GLB1L3: variants seen among roughly 807,000 people sequenced by gnomAD.
GLB1L3 encodes galactosidase beta 1 like 3.
In GLB1L3, 89 loss-of-function variants were observed where a neutral mutation model predicts 89.5. That is an observed-to-expected ratio of 0.99 (90% CI 0.84 to 1.19). The LOEUF is 1.19. GLB1L3 is among the 50% of genes most tolerant of loss of function. The pLI, the probability that GLB1L3 is intolerant of heterozygous loss-of-function variation, is 0.00. For synonymous variants in GLB1L3, 314 were observed against 312.3 expected, an observed-to-expected ratio of 1.01 and a Z score of -0.06; for missense variants, 812 against 813.3, an observed-to-expected ratio of 1.00 and a Z score of 0.02.
At chr11:134,286,317 G>A (rs1205494449) in intron 6 of GLB1L3, among the ~76,000 whole-genome samples, 2 of 152,218 alleles carry the variant, frequency 1.3e-5, no homozygotes, top group South Asian at 4.1e-4. Context: ...AGTTTTGAGA[G>A]ACGGGCACTG....
At chr11:134,286,811 A>T (rs1445688190) in intron 6 of GLB1L3, among the ~76,000 whole-genome samples, 1 of 136,992 alleles carries the variant, frequency 7.3e-6, no homozygotes, top group Admixed American at 7.0e-5. Context: ...AGAAATAGAC[A>T]TGCATTAAAA....
chr11:134,293,266 C>T (rs748055619), intron 9 of GLB1L3, 57 bp downstream of exon 9: 51 of 1,366,368 alleles, frequency 3.7e-5, no homozygotes, highest in Non-Finnish European at 5.1e-5. Flanking sequence ...ACCTCCCTTG[C>T]CTATGTAGCT....
chr11:134,294,327 C>CA (rs1941520921), intron 9 of GLB1L3, among the ~76,000 whole-genome samples: 1 of 152,168 alleles, frequency 6.6e-6, no homozygotes, highest in Non-Finnish European at 1.5e-5. Context: ...CTTGGCCTCC[C>CA]AAAGTGCTGG....
intron 9 of GLB1L3, among the ~76,000 whole-genome samples, chr11:134,295,400 GGAC>G (rs1223679899): frequency 6.6e-6 from 1 of 152,088 alleles, no homozygotes. Flanking sequence ...TTGAATTCGT[GGAC>G]ATAGAGTTGT....
At chr11:134,308,211 C>CCACCACCACCATCACCACCACCATCAT (rs1942328066) in intron 10 of GLB1L3, among the ~76,000 whole-genome samples, 3 of 27,858 alleles carry the variant, frequency 1.1e-4, no homozygotes, top group African/African-American at 6.2e-4. Context: ...ACTACCACCA[C>CCACCACCACCATCACCACCACCATCAT]CACCATCACC....
intron 11 of GLB1L3, 176 bp from the exon 12 acceptor site, chr11:134,310,395 T>G (rs1591585531): frequency 8.5e-6 from 5 of 588,254 alleles, no homozygotes. Flanking sequence ...CAGTGGAAGG[T>G]GCCCAGGAAG....
intron 3 of GLB1L3, among the ~76,000 whole-genome samples, chr11:134,278,619 A>C (rs1940515161): frequency 6.6e-6 from 1 of 152,192 alleles, no homozygotes; most frequent in Non-Finnish European, 1.5e-5. Flanking sequence ...AAACTGCTCC[A>C]GAATCAGAGG....
chr11:134,312,591 C>T, intron 14 of GLB1L3, 102 bp downstream of exon 14: 1 of 1,410,504 alleles, frequency 7.1e-7, no homozygotes, highest in South Asian at 1.3e-5. Context: ...GTTTGGTGAC[C>T]TACTATATGG....
chr11:134,312,186 T>G, intron 13 of GLB1L3, 163 bp from the exon 14 acceptor site: 5 of 702,104 alleles, frequency 7.1e-6, no homozygotes, highest in Admixed American at 2.8e-5. Flanking sequence ...TCCTGGGCAG[T>G]GGAGACGTAA....
chr11:134,310,818 T>G, intron 12 of GLB1L3, 167 bp downstream of exon 12: 1 of 631,438 alleles, frequency 1.6e-6, no homozygotes. Context: ...TCTGTGTGAT[T>G]TTTTAAAATC....
rs115868003 is a variant in GLB1L3 at position 134,316,120 on chromosome 11, C to T, written c.1779+1679C>T. On this transcript the variant is annotated intron_variant, in intron 18 of 19. Transcript: ENST00000431683. ...CTATAAACATTGGGCAATTACTTCT[C>T]CATTTTCCCCTTCTCCCACCGCCTG... 6.3e-3 allele frequency among the ~76,000 whole-genome samples: 961 copies of T among 152,124 alleles called. 13 individuals carry two copies. The highest frequency in any genetic ancestry group is 0.022 in the African/African-American group (898 of 41,494).
chr11:134,296,624 T>C (rs1357341484), intron 9 of GLB1L3, among the ~76,000 whole-genome samples: 2 of 139,470 alleles, frequency 1.4e-5, no homozygotes, highest in African/African-American at 2.7e-5. Context: ...TTCTCACTCA[T>C]AGGTGGGAAC....
chr11:134,308,176 CACCATCACCATCATCACCATCACCACT>C (rs1942302394), intron 10 of GLB1L3, among the ~76,000 whole-genome samples: 4 of 118,930 alleles, frequency 3.4e-5, no homozygotes, highest in South Asian at 6.2e-4. Context: ...CCAGCACCAC[CACCATCACCATCATCACCATCACCACT>C]ACCACCACCA....
Position 134,276,390 on chromosome 11 carries a change from A to C in GLB1L3, c.-351A>C, listed in dbSNP as rs1030199750. ...TCTCCCGCGCAGGCCTCCCTGTGCCAGCCGGCTGTCGACCCAGGTTAGGAA... is the reference window on the plus strand; with the variant it reads ...TCTCCCGCGCAGGCCTCCCTGTGCCCGCCGGCTGTCGACCCAGGTTAGGAA... On this transcript the variant is annotated 5_prime_UTR_variant, in exon 1 of 20. Coordinates refer to ENST00000431683, the MANE Select transcript of GLB1L3 (RefSeq NM_001080407.3). 8.4e-6 allele frequency: 2 copies of C among 237,108 alleles called. No individual in the cohort carries two copies. Among genetic ancestry groups the C allele is most frequent in the Non-Finnish European group, 1.6e-5 (2 of 123,826 alleles). 14.7% of individuals were successfully genotyped at this position (237,108 alleles called of 1,614,324 possible).
intron 4 of GLB1L3, 67 bp downstream of exon 4, chr11:134,281,512 A>AT: frequency 6.8e-7 from 1 of 1,474,924 alleles, no homozygotes; most frequent in South Asian, 1.1e-5. Context: ...CTGGGGGTGG[A>AT]TTAGCAACCA....
At chr11:134,298,122 A>G (rs1370570402) in intron 9 of GLB1L3, among the ~76,000 whole-genome samples, 4 of 149,770 alleles carry the variant, frequency 2.7e-5, no homozygotes, top group African/African-American at 9.9e-5. Context: ...GTTTGTCTTT[A>G]GTTTTCAGAA....
rs962084799 is a variant in GLB1L3, at chr11:134,319,080, C to G, written c.*138C>G. 21 of 645,686 alleles carry G rather than the reference C, an allele frequency of 3.3e-5. No homozygotes were observed. The highest frequency in any genetic ancestry group is 5.4e-5 in the Non-Finnish European group (20 of 369,156). The allele number at this position is 645,686 out of a possible 1,614,324, so 40.0% of individuals were successfully genotyped here. On this transcript the variant is annotated 3_prime_UTR_variant, in exon 20 of 20. Transcript: ENST00000431683. ...CGCCATTCTCCTGCCTCAGCCTCCC[C>G]AGCAGCTGGGACTACAGGTGCACGC...
intron 6 of GLB1L3, among the ~76,000 whole-genome samples, chr11:134,286,744 T>A (rs1008187968): frequency 1.3e-5 from 2 of 150,776 alleles, no homozygotes; most frequent in Non-Finnish European, 1.5e-5. Flanking sequence ...GCCACCGCAC[T>A]CCAGCCTGGG....
chr11:134,319,909 C>G (rs961743788), downstream of GLB1L3, among the ~76,000 whole-genome samples: 1 of 152,072 alleles, frequency 6.6e-6, no homozygotes, highest in African/African-American at 2.4e-5. Flanking sequence ...GCTTCAGACA[C>G]GTGTGACAAC....
Sources: gnomAD v4.1 joint callset for allele counts (sites outside exome capture counted in the v4.1 genomes callset) on GRCh38, gnomAD v4.1.1 for gene constraint, MANE v1.5 for transcripts, NCBI Gene and HGNC (gene_info 2026-07-23, HGNC 2026-07-21) for gene names.